KCNA3: variants seen among roughly 807,000 people sequenced by gnomAD.
KCNA3 encodes the protein potassium voltage-gated channel subfamily A member 3, also known as RP11-284N8.3.
KCNA3 carries 18 observed loss-of-function variants against 34.3 expected under a neutral mutation model. That is an observed-to-expected ratio of 0.52 (90% CI 0.36 to 0.78). KCNA3 has a LOEUF of 0.78. KCNA3 is among the 30% of genes least tolerant of loss of function. The pLI is 0.00. For missense variants in KCNA3, 587 were observed against 802.5 expected, an observed-to-expected ratio of 0.73 and a Z score of 3.24; for synonymous variants, 324 against 351.7, an observed-to-expected ratio of 0.92 and a Z score of 0.88.
In KCNA3 at chr1:110,674,378, G is replaced by A. The variant is rs531964441; in HGVS notation, c.432C>T (p.Arg144=). 6.2e-7 allele frequency: 1 copy of A among 1,614,200 alleles called. No homozygotes were observed. The highest frequency in any genetic ancestry group is 1.3e-5 in the African/African-American group (1 of 75,066). The part of the protein sequence containing the change: ...KRRMRYFDPL[R]NEYFFDRNRP... ...GGTTGCGGTCGAAGAAGTACTCGTT[G>A]CGGAGCGGGTCGAAGTACCTCATGC... is the stretch of plus-strand genomic sequence containing the variant. The change falls in exon 1 of 1, where the codon CGC becomes CGT. Residue 144 remains arginine (R), a synonymous_variant. Transcript: ENST00000369769. The surrounding 1 kb of genome is among the most constrained non-coding windows in gnomAD (Gnocchi z 6.4).
At position 110,673,002 on chromosome 1, in the gene KCNA3, T is replaced by G; in HGVS notation, c.*80A>C. 1 of 1,323,454 alleles carries G rather than the reference T, an allele frequency of 7.6e-7. No homozygotes were observed. Among genetic ancestry groups the G allele is most frequent in the South Asian group, 1.4e-5 (1 of 71,594 alleles). The allele number at this position is 1,323,454 out of a possible 1,614,324, so 82.0% of individuals were successfully genotyped here. ...CTTTCCTTGATGAATGGTCTGGAAA[T>G]GTATAAAACAAGGGCATAGGCAGAC... On this transcript the variant is annotated 3_prime_UTR_variant, in exon 1 of 1. Transcript: ENST00000369769. This position sits in a 1 kb window ranked among gnomAD's most constrained non-coding sequence, Gnocchi z 8.8.
chr1:110,668,355 T>G (rs951418006), downstream of KCNA3, among the ~76,000 whole-genome samples: 30 of 152,250 alleles, frequency 2.0e-4, no homozygotes, highest in African/African-American at 6.7e-4. Context: ...CTGTAGAAAA[T>G]GTTGAAATTT....
At chr1:110,659,014 T>C in the KCNA3 span, among the ~76,000 whole-genome samples, 5 of 152,182 alleles carry the variant, frequency 3.3e-5, no homozygotes, top group Admixed American at 3.3e-4. Context: ...TACCATTCAT[T>C]TGGGCACAGT....
chr1:110,667,953 G>A (rs1651742382), downstream of KCNA3, among the ~76,000 whole-genome samples: 1 of 152,220 alleles, frequency 6.6e-6, no homozygotes, highest in African/African-American at 2.4e-5. Context: ...ACAATAGTAA[G>A]GTCTGGGCTC....
the KCNA3 span, among the ~76,000 whole-genome samples, chr1:110,659,674 C>T: frequency 2.6e-5 from 4 of 152,114 alleles, no homozygotes; most frequent in African/African-American, 9.7e-5. Context: ...ATGTTCCATT[C>T]ATGAACCAGC....
the KCNA3 span, among the ~76,000 whole-genome samples, chr1:110,666,742 C>T: frequency 1.3e-5 from 2 of 152,020 alleles, no homozygotes; most frequent in African/African-American, 4.8e-5. Flanking sequence ...TTACAGTGGT[C>T]CTGGCAGTGC....
chr1:110,655,074 TAG>T, the KCNA3 span: 1 of 152,118 alleles, frequency 6.6e-6, no homozygotes, highest in East Asian at 1.9e-4. Context: ...ATTTCAAAAA[TAG>T]ATTCTTATAA....
the KCNA3 span, among the ~76,000 whole-genome samples, chr1:110,661,995 C>CA: frequency 6.6e-6 from 1 of 151,100 alleles, no homozygotes; most frequent in African/African-American, 2.4e-5. Context: ...CGCCTGTAGT[C>CA]ACAGCTACCC....
chr1:110,657,442 A>G, the KCNA3 span, among the ~76,000 whole-genome samples: 2 of 152,178 alleles, frequency 1.3e-5, no homozygotes, highest in African/African-American at 4.8e-5. Context: ...CCCATCTTGC[A>G]ATTCAAGCCT....
In KCNA3 at chr1:110,673,272, T is replaced by A; in HGVS notation, c.1538A>T (p.Glu513Val). 1.2e-6 allele frequency: 2 copies of A among 1,614,050 alleles called. No individual in the cohort carries two copies. Among genetic ancestry groups the A allele is most frequent in the Non-Finnish European group, 1.7e-6 (2 of 1,180,010 alleles). Residue 513 changes from glutamate (E) to valine (V), a missense_variant, in exon 1 of 1, where the codon GAG becomes GTG. Physicochemically the swap from Glu to Val is moderately radical, Grantham distance 121. Around this residue, in one of 7 missense-constraint regions of KCNA3, gnomAD observed 95 missense variants for 107.3 expected, o/e 0.89. Transcript: ENST00000369769. This position sits in a 1 kb window ranked among gnomAD's most constrained non-coding sequence, Gnocchi z 8.8. ...GTTACTCCTTGCTTTTCGGAGCTCCTCGGCTGAAGAGGAGAGGTGCTGGCA... is the reference window on the plus strand; with the variant it reads ...GTTACTCCTTGCTTTTCGGAGCTCCACGGCTGAAGAGGAGAGGTGCTGGCA... Reference protein sequence around the residue: ...GSCQHLSSSAEELRKARSNST... With the variant: ...GSCQHLSSSAVELRKARSNST...
chr1:110,667,422 A>G, the KCNA3 span, among the ~76,000 whole-genome samples: 1 of 152,156 alleles, frequency 6.6e-6, no homozygotes, highest in Non-Finnish European at 1.5e-5. Flanking sequence ...GGAAGGTATG[A>G]CCCCTGTATC....
the KCNA3 span, chr1:110,656,558 A>T: frequency 2.6e-5 from 4 of 152,238 alleles, no homozygotes; most frequent in Admixed American, 6.5e-5. Flanking sequence ...GGGCTCAGAG[A>T]AGTTAAAGGA....
At chr1:110,659,800 C>A in the KCNA3 span, among the ~76,000 whole-genome samples, 4 of 151,992 alleles carry the variant, frequency 2.6e-5, no homozygotes, top group African/African-American at 7.3e-5. Flanking sequence ...ATGGATAAAG[C>A]TGGAAACCAT....
chr1:110,674,528 C>T lies in KCNA3; in HGVS notation c.282G>A (p.Pro94=). The part of the protein sequence containing the change: ...DRYEPLPPSL[P]AAGEQDCCGE... ...CGCAGCAGTCCTGCTCGCCCGCGGC[C>T]GGCAGTGAGGGCGGCAGCGGCTCGT... The change falls in exon 1 of 1, where the codon CCG becomes CCA. Residue 94 remains proline (P), a synonymous_variant. Transcript: ENST00000369769. The surrounding 1 kb of genome is among the most constrained non-coding windows in gnomAD (Gnocchi z 6.4). The T allele has an allele frequency of 1.2e-6, 2 of 1,609,938 alleles. No homozygotes were observed. The highest frequency in any genetic ancestry group is 1.7e-5 in the Admixed American group (1 of 59,788).
chr1:110,672,263 G>A (rs1651917568), downstream of KCNA3, among the ~76,000 whole-genome samples: 1 of 152,182 alleles, frequency 6.6e-6, no homozygotes, highest in South Asian at 2.1e-4. Context: ...TAATCTTCTT[G>A]TGATACTGCC....
chr1:110,671,100 T>C (rs1320479587), downstream of KCNA3, among the ~76,000 whole-genome samples: 2 of 152,246 alleles, frequency 1.3e-5, no homozygotes, highest in African/African-American at 4.8e-5. Flanking sequence ...TAAATAATTA[T>C]GTAAATTAAA....
chr1:110,656,915 C>T, the KCNA3 span: 1 of 152,070 alleles, frequency 6.6e-6, no homozygotes, highest in Non-Finnish European at 1.5e-5. Flanking sequence ...AGTGAAAATT[C>T]TAAGGAGAAA....
In KCNA3 at chr1:110,673,886, G is replaced by A. The variant is rs1452053751; in HGVS notation, c.924C>T (p.Phe308=). ...AAGCGAAGAACCGCACCAGCAGTTC[G>A]AAGGAGAACCAGATGATGCACAGCG... ...VETLCIIWFS[F]ELLVRFFACP... The change falls in exon 1 of 1, where the codon TTC becomes TTT. Residue 308 remains phenylalanine, a synonymous_variant. Coordinates refer to ENST00000369769, the MANE Select transcript of KCNA3 (RefSeq NM_002232.5). This position sits in a 1 kb window ranked among gnomAD's most constrained non-coding sequence, Gnocchi z 8.8. 15 of 1,614,018 alleles carry A rather than the reference G, an allele frequency of 9.3e-6. No homozygotes were observed. The highest frequency in any genetic ancestry group is 2.2e-5 in the East Asian group (1 of 44,896).
the KCNA3 span, chr1:110,654,615 T>C: frequency 1.2e-4 from 19 of 152,300 alleles, no homozygotes; most frequent in Middle Eastern, 3.4e-3. Context: ...TGGAAAATGT[T>C]TGAATATCAC....
Sources: allele counts gnomAD v4.1 joint callset (sites outside exome capture counted in the v4.1 genomes callset), GRCh38; gene constraint gnomAD v4.1.1; regional missense constraint gnomAD v4.1.1; non-coding constraint Gnocchi (gnomAD v3.1); transcripts MANE v1.5; gene names NCBI Gene and HGNC (gene_info 2026-07-23, HGNC 2026-07-21).